The following FN1 variants were observed in gnomAD, a reference collection of about 807,000 sequenced individuals.
FN1 encodes the protein fibronectin 1.
A neutral mutation model predicts 297.3 loss-of-function variants in FN1; 106 were observed. The observed-to-expected ratio is 0.36, with a 90% CI of 0.30 to 0.42. The LOEUF is 0.42. Ranked by LOEUF, FN1 falls within the 10% of genes least tolerant of loss-of-function variation. The pLI, the probability that FN1 is intolerant of heterozygous loss-of-function variation, is 1.00. For missense variants in FN1, 2,690 were observed against 3,124.9 expected (o/e 0.86, Z 3.32); for synonymous variants, 1,149 against 1,152.6 (o/e 1.00, Z 0.06).
chr2:215,361,307 A>G lies in FN1; in HGVS notation c.*248T>C. On this transcript the variant is annotated 3_prime_UTR_variant, in exon 46 of 46. Coordinates refer to ENST00000354785, the MANE Select transcript of FN1 (RefSeq NM_212482.4). ...ATCTTAGAATCACTTCATTTAAAAT[A>G]CTGAGCGGTATTGAATACTTCGAAG... 2 of 466,618 alleles carry G rather than the reference A, an allele frequency of 4.3e-6. No homozygotes were observed. The highest frequency in any genetic ancestry group is 3.9e-6 in the Non-Finnish European group (1 of 258,324). 28.9% of individuals were successfully genotyped at this position (466,618 alleles called of 1,614,324 possible). A position where few individuals can be genotyped will look rare whatever the true frequency, so the allele number is the denominator to read the frequency against.
At chr2:215,387,161 T>C (rs556235521) in intron 27 of FN1, among the ~76,000 whole-genome samples, 1 of 152,250 alleles carries the variant, frequency 6.6e-6, no homozygotes, top group South Asian at 2.1e-4. Flanking sequence ...ATTGACTCAA[T>C]TCAAAATAGC....
intron 6 of FN1, among the ~76,000 whole-genome samples, chr2:215,426,143 CTTTTTTTTTT>C (rs58002948): frequency 1.2e-3 from 126 of 101,104 alleles, no homozygotes; most frequent in African/African-American, 3.9e-3. Flanking sequence ...TTTCTTTTTT[CTTTTTTTTTT>C]TTTTTTTTTT....
intron 5 of FN1, among the ~76,000 whole-genome samples, chr2:215,428,711 G>A: frequency 6.6e-6 from 1 of 152,158 alleles, no homozygotes; most frequent in Admixed American, 6.5e-5. Context: ...TTTCAATAGG[G>A]ACCTTGCTTT....
At chr2:215,406,873 C>A (rs943901385) in intron 18 of FN1, among the ~76,000 whole-genome samples, 9 of 152,074 alleles carry the variant, frequency 5.9e-5, no homozygotes, top group South Asian at 2.1e-4. Context: ...ACTTAAGAAT[C>A]AAAAATGAAA....
chr2:215,388,478 T>C (rs561692542), intron 26 of FN1, among the ~76,000 whole-genome samples, 177 bp from the exon 27 acceptor site: 1 of 152,374 alleles, frequency 6.6e-6, no homozygotes, highest in East Asian at 1.9e-4. Context: ...AGGTCTGTAA[T>C]TAGATGATAA....
chr2:215,368,085 T>C, intron 41 of FN1, 58 bp from the exon 42 acceptor site: 1 of 1,570,742 alleles, frequency 6.4e-7, no homozygotes, highest in East Asian at 2.2e-5. Flanking sequence ...ATTTGGACCA[T>C]AAGAAGAAAA....
intron 41 of FN1, among the ~76,000 whole-genome samples, 181 bp from the exon 42 acceptor site, chr2:215,368,208 G>A (rs1413300137): frequency 6.6e-6 from 1 of 152,204 alleles, no homozygotes; most frequent in African/African-American, 2.4e-5. Context: ...GGTTAGATGT[G>A]ACACCTGTCA....
chr2:215,391,918 G>A, intron 25 of FN1, 104 bp from the exon 26 acceptor site: 1 of 950,024 alleles, frequency 1.1e-6, no homozygotes, highest in Non-Finnish European at 1.7e-6. Context: ...AAAGGAAACA[G>A]AATCATAATC....
At chr2:215,369,518 A>G (rs1474762273) in intron 41 of FN1, among the ~76,000 whole-genome samples, 2 of 152,208 alleles carry the variant, frequency 1.3e-5, no homozygotes, top group African/African-American at 2.4e-5. Context: ...GACAGGACTT[A>G]GCACTCTCTG....
At position 215,405,721 on chromosome 2, in the gene FN1, C is replaced by T. The variant is rs529547303; in HGVS notation, c.2986+517G>A. Among the ~76,000 whole-genome samples the T allele has an allele frequency of 9.9e-5, 15 of 151,956 alleles. No homozygotes were observed. The South Asian group carries it at 2.3e-3, about 23-fold the overall frequency. ...TGGTGCCACTGTACTCCAGCCCTGG[C>T]GACAGAGCGAGACTCCATCTCAAAA... On this transcript the variant is annotated intron_variant, in intron 19 of 45. Coordinates refer to ENST00000354785, the MANE Select transcript of FN1 (RefSeq NM_212482.4).
chr2:215,397,018 T>C, intron 23 of FN1, 119 bp downstream of exon 23: 1 of 793,176 alleles, frequency 1.3e-6, no homozygotes, highest in Non-Finnish European at 2.3e-6. Context: ...ATAGTTTTTA[T>C]GGAGAGCTAA....
intron 32 of FN1, chr2:215,381,873 C>T (rs183185317): frequency 2.1e-4 from 75 of 359,330 alleles, no homozygotes; most frequent in African/African-American, 1.4e-3. Context: ...ACATGAGGCA[C>T]ACTTCAATCA....
At chr2:215,386,357 G>A (rs568086272) in intron 28 of FN1, among the ~76,000 whole-genome samples, 9 of 152,076 alleles carry the variant, frequency 5.9e-5, no homozygotes, top group East Asian at 1.9e-4. Flanking sequence ...GATTACTGAC[G>A]TGAGCCACCC....
At chr2:215,413,507 G>A (rs1309019109) in intron 13 of FN1, among the ~76,000 whole-genome samples, 4 of 152,178 alleles carry the variant, frequency 2.6e-5, no homozygotes, top group Non-Finnish European at 5.9e-5. Flanking sequence ...TTATCCACAA[G>A]CCTACTTTTT....
In FN1 at chr2:215,420,781, T is replaced by G. The variant is rs200567544; in HGVS notation, c.1567A>C (p.Ile523Leu). ...AATGTGTCGTTCACATTGTAAGTGA[T>G]GTCATCAACAATGCACTGATCTGTT... The part of the protein sequence containing the change: ...QLRDQCIVDD[I>L]TYNVNDTFHK... Residue 523 changes from isoleucine to leucine, a missense_variant, in exon 11 of 46, where the codon ATC becomes CTC. By Grantham distance (5) the Ile-to-Leu change is conservative. Coordinates refer to ENST00000354785, the MANE Select transcript of FN1 (RefSeq NM_212482.4). 680 of 1,613,892 alleles carry G rather than the reference T, an allele frequency of 4.2e-4. 5 individuals are homozygous for G. Among genetic ancestry groups the G allele is most frequent in the Non-Finnish European group, 4.7e-5 (55 of 1,179,894 alleles).
chr2:215,404,366 A>G (rs978581219), intron 20 of FN1, 23 bp downstream of exon 20: 3 of 1,610,188 alleles, frequency 1.9e-6, no homozygotes, highest in Admixed American at 3.3e-5. Flanking sequence ...TAGTTAAGAA[A>G]AGGCACTTAA....
intron 20 of FN1, among the ~76,000 whole-genome samples, chr2:215,401,490 A>G (rs1255126723): frequency 6.6e-6 from 1 of 152,218 alleles, no homozygotes; most frequent in African/African-American, 2.4e-5. Context: ...GTTCAAGGGT[A>G]TCAAGTGTGT....
At chr2:215,393,983 T>C (rs1257235178) in intron 24 of FN1, among the ~76,000 whole-genome samples, 3 of 152,220 alleles carry the variant, frequency 2.0e-5, no homozygotes, top group Non-Finnish European at 4.4e-5. Context: ...AAGAACACCC[T>C]GAAGGTGTGA....
At position 215,422,259 on chromosome 2, in the gene FN1, T is replaced by C; in HGVS notation, c.1394-16A>G. 2 of 1,612,866 alleles carry C rather than the reference T, an allele frequency of 1.2e-6. No individual in the cohort carries two copies. Among genetic ancestry groups the C allele is most frequent in the Non-Finnish European group, 1.7e-6 (2 of 1,178,856 alleles). On this transcript the variant is annotated splice_polypyrimidine_tract_variant and intron_variant, in intron 9 of 45. Transcript: ENST00000354785. ...TCCTCGTGGGCTGTTTGGAAATGGA[T>C]AAGAAATGCACTTGATAAATGATCA...
Sources: allele counts gnomAD v4.1 joint callset (sites outside exome capture counted in the v4.1 genomes callset), GRCh38; gene constraint gnomAD v4.1.1; transcripts MANE v1.5; gene names NCBI Gene and HGNC (gene_info 2026-07-23, HGNC 2026-07-21).